The following EGF variants were observed in gnomAD, a reference collection of about 807,000 sequenced individuals.
The protein encoded by EGF is pro-epidermal growth factor.
Under a neutral mutation model 143.8 loss-of-function variants are expected in EGF, and 95 were observed. That is an observed-to-expected ratio of 0.66 (90% confidence interval 0.56 to 0.78). The LOEUF (loss-of-function observed/expected upper bound fraction) is 0.78. Among genes scored for constraint, EGF ranks in the 30% least tolerant of loss-of-function variants. EGF has a pLI of 0.00. For synonymous variants in EGF, 510 were observed against 510.5 expected (o/e 1.00, Z 0.01); for missense variants, 1,320 against 1,470.9 (o/e 0.90, Z 1.68).
chr4:109,944,364 G>A (rs1218415003), intron 4 of EGF, among the ~76,000 whole-genome samples: 3 of 152,148 alleles, frequency 2.0e-5, no homozygotes, highest in East Asian at 1.9e-4. Context: ...GCGAGAACCC[G>A]GGAGGCGGAG....
Position 110,004,215 on chromosome 4 carries a change from TACAC to T in EGF, c.3174-256_3174-253del, listed in dbSNP as rs772189572. ...TCCCCCCAACATACATGGGCATACA[TACAC>T]ACACACACACACACACACACACACA... On this transcript the variant is annotated intron_variant, in intron 21 of 23. Coordinates refer to ENST00000265171, the MANE Select transcript of EGF (RefSeq NM_001963.6). 9.9e-3 allele frequency: 3,520 copies of T among 355,138 alleles called. 7 individuals carry two copies. Among genetic ancestry groups the T allele is most frequent in the East Asian group, 0.025 (390 of 15,456 alleles). 22.0% of individuals were successfully genotyped at this position (355,138 alleles called of 1,614,324 possible).
intron 8 of EGF, 69 bp downstream of exon 8, chr4:109,962,054 A>G: frequency 6.2e-7 from 1 of 1,603,970 alleles, no homozygotes; most frequent in East Asian, 2.3e-5. Flanking sequence ...ACATCTAAAA[A>G]TTGATCTTGT....
At chr4:109,988,053 A>T (rs1334157545) in intron 17 of EGF, among the ~76,000 whole-genome samples, 193 bp downstream of exon 17, 4 of 152,218 alleles carry the variant, frequency 2.6e-5, no homozygotes, top group Non-Finnish European at 5.9e-5. Flanking sequence ...TTACACAAAT[A>T]CATTGAGTTT....
intron 5 of EGF, among the ~76,000 whole-genome samples, chr4:109,954,334 G>T (rs1188999016): frequency 6.6e-6 from 1 of 152,210 alleles, no homozygotes; most frequent in Non-Finnish European, 1.5e-5. Context: ...TTACAGGTGT[G>T]AGCCACTGCG....
chr4:110,000,037 AG>A (rs1436116038), intron 21 of EGF, among the ~76,000 whole-genome samples, 191 bp downstream of exon 21: 1 of 152,176 alleles, frequency 6.6e-6, no homozygotes, highest in Non-Finnish European at 1.5e-5. Context: ...AGATCACTTG[AG>A]GTCAGAAGTT....
In EGF at chr4:110,000,250, C is replaced by CAA. The variant is rs754279332; in HGVS notation, c.3173+423_3173+424dup. The stretch of plus-strand genomic sequence containing the variant: ...TGGGCGATAGAGCGAGACTCCGTGT[C>CAA]AAAAAAAAAAAAAAAAAAAAGGTGA... On this transcript the variant is annotated intron_variant, in intron 21 of 23. Transcript: ENST00000265171. Among the ~76,000 whole-genome samples the CAA allele has an allele frequency of 1.0e-3, 95 of 93,948 alleles. 1 individual carries two copies. The highest frequency in any genetic ancestry group is 3.2e-3 in the African/African-American group (90 of 27,756). The allele number at this position is 93,948 out of a possible 152,430, so 61.6% of individuals were successfully genotyped here.
intron 1 of EGF, among the ~76,000 whole-genome samples, chr4:109,938,823 G>A (rs1344899362): frequency 1.3e-5 from 2 of 152,186 alleles, no homozygotes; most frequent in African/African-American, 4.8e-5. Flanking sequence ...TTTAGACCTT[G>A]TTTGCCTGGG....
At chr4:109,970,483 G>C (rs1747384583) in intron 11 of EGF, among the ~76,000 whole-genome samples, 1 of 152,050 alleles carries the variant, frequency 6.6e-6, no homozygotes, top group African/African-American at 2.4e-5. Flanking sequence ...GGAATGAATG[G>C]GTTTCTATGC....
chr4:109,959,305 C>A lies in EGF; in HGVS notation c.941-7C>A. 6.2e-7 allele frequency: 1 copy of A among 1,613,872 alleles called. No homozygotes were observed. Among genetic ancestry groups the A allele is most frequent in the Non-Finnish European group, 8.5e-7 (1 of 1,179,832 alleles). ...CCCCACTCCAAATAAAGCATCTTCT[C>A]TTTTAGAGCAGAAACTTTGCAAATT... On this transcript the variant is annotated splice_region_variant and splice_polypyrimidine_tract_variant and intron_variant, in intron 5 of 23. Transcript: ENST00000265171.
intron 5 of EGF, among the ~76,000 whole-genome samples, chr4:109,946,585 C>T (rs747350051): frequency 2.0e-5 from 3 of 152,126 alleles, no homozygotes; most frequent in Admixed American, 6.5e-5. Context: ...GAGCTCATCA[C>T]GAGGTGTAAC....
intron 15 of EGF, among the ~76,000 whole-genome samples, chr4:109,982,741 C>T (rs1378625192): frequency 1.3e-5 from 2 of 152,000 alleles, no homozygotes; most frequent in Non-Finnish European, 2.9e-5. Context: ...CCAGCTGTTG[C>T]CCACATTCCT....
chr4:109,948,163 C>G (rs971801913), intron 5 of EGF, among the ~76,000 whole-genome samples: 5 of 152,238 alleles, frequency 3.3e-5, no homozygotes, highest in Non-Finnish European at 1.5e-5. Context: ...GGCTGGAAAG[C>G]CTCTGCCAGC....
In EGF at chr4:109,988,568, A is replaced by G; in HGVS notation, c.2609-16A>G. Reference sequence around the variant, plus strand: ...GATTGCCTAAATATTGCACTAGTTCATAATTTTGCCCACAGATATAGATGA... The same window carrying G: ...GATTGCCTAAATATTGCACTAGTTCGTAATTTTGCCCACAGATATAGATGA... On this transcript the variant is annotated splice_polypyrimidine_tract_variant and intron_variant, in intron 17 of 23. Coordinates refer to ENST00000265171, the MANE Select transcript of EGF (RefSeq NM_001963.6). 3 of 1,613,940 alleles carry G rather than the reference A, an allele frequency of 1.9e-6. No homozygotes were observed. Among genetic ancestry groups the G allele is most frequent in the South Asian group, 1.1e-5 (1 of 91,088 alleles).
intron 16 of EGF, among the ~76,000 whole-genome samples, chr4:109,987,388 C>A (rs1477463764): frequency 1.3e-5 from 2 of 151,940 alleles, no homozygotes; most frequent in African/African-American, 4.8e-5. Flanking sequence ...ACGGCCGCAT[C>A]AACCTCCTGA....
At chr4:109,919,287 G>GTCTCTGTCTC (rs1386464228) in intron 1 of EGF, among the ~76,000 whole-genome samples, 2 of 75,842 alleles carry the variant, frequency 2.6e-5, no homozygotes, top group African/African-American at 9.8e-5. Context: ...ATGCTTCTCT[G>GTCTCTGTCTC]TCTCTCTCTC....
chr4:109,989,784 C>T (rs1750672205), intron 18 of EGF, among the ~76,000 whole-genome samples: 1 of 152,134 alleles, frequency 6.6e-6, no homozygotes, highest in Non-Finnish European at 1.5e-5. Context: ...TGGTTTCTCA[C>T]ACTGTTACTA....
rs988988037 is a variant in EGF at position 110,012,579 on chromosome 4, C to T, written c.*1124C>T. Among the ~76,000 whole-genome samples, 1 of 152,084 alleles carries T rather than the reference C, an allele frequency of 6.6e-6. No individual in the cohort carries two copies. Among genetic ancestry groups the T allele is most frequent in the Non-Finnish European group, 1.5e-5 (1 of 68,028 alleles). ...ATTTTTTGTAGACATGGGGATCACA[C>T]AATGTTGCCCAGGCTGGTCTTGAAC... On this transcript the variant is annotated 3_prime_UTR_variant, in exon 24 of 24. Transcript: ENST00000265171.
intron 11 of EGF, among the ~76,000 whole-genome samples, chr4:109,973,594 A>G (rs545589993): frequency 7.0e-6 from 1 of 143,298 alleles, no homozygotes; most frequent in African/African-American, 2.6e-5. Flanking sequence ...TTCCCCTCTT[A>G]CTTCCCCCGA....
chr4:109,941,076 A>G lies in EGF; in HGVS notation c.258A>G (p.Lys86=), dbSNP rs1186557082. 6.2e-7 allele frequency: 1 copy of G among 1,614,052 alleles called. No homozygotes were observed. The highest frequency in any genetic ancestry group is 1.7e-5 in the Admixed American group (1 of 60,022). The part of the protein sequence containing the change: ...SVIMDFHYNE[K]RIYWVDLERQ... ...TCATGGATTTTCATTATAATGAGAA[A>G]AGAATCTATTGGGTGGATTTAGAAA... The change falls in exon 2 of 24, where the codon AAA becomes AAG. Residue 86 remains lysine, a synonymous_variant. Coordinates refer to ENST00000265171, the MANE Select transcript of EGF (RefSeq NM_001963.6).
Sources: allele counts gnomAD v4.1 joint callset (sites outside exome capture counted in the v4.1 genomes callset), GRCh38; gene constraint gnomAD v4.1.1; transcripts MANE v1.5; gene names NCBI Gene and HGNC (gene_info 2026-07-23, HGNC 2026-07-21).